The following CREB5 variants were observed in gnomAD, a reference collection of about 807,000 sequenced individuals.
CREB5 encodes the protein cAMP responsive element binding protein 5.
In CREB5, 19 loss-of-function variants were observed where a neutral mutation model predicts 57.1. That is an observed-to-expected ratio of 0.33 (90% CI 0.23 to 0.49). The LOEUF (loss-of-function observed/expected upper bound fraction) is 0.49. Ranked by LOEUF, CREB5 falls within the 20% of genes least tolerant of loss-of-function variation. The pLI is 0.99. For synonymous variants in CREB5, 238 were observed against 238.3 expected, an observed-to-expected ratio of 1.00 and a Z score of 0.01; for missense variants, 579 against 671.6, an observed-to-expected ratio of 0.86 and a Z score of 1.52.
chr7:28,560,867 T>C lies in CREB5; in HGVS notation c.292-9498T>C, dbSNP rs1378283726. Among the ~76,000 whole-genome samples the C allele has an allele frequency of 2.7e-3, 60 of 22,068 alleles. 6 individuals are homozygous for C. The highest frequency in any genetic ancestry group is 8.0e-3 in the East Asian group (4 of 500). 14.5% of individuals were successfully genotyped at this position (22,068 alleles called of 152,430 possible). A position where few individuals can be genotyped will look rare whatever the true frequency, so the allele number is the denominator to read the frequency against. ...GTGCGCGTGTGTGTGTGCGTGTGCC[T>C]GCGTGCGCGTGCGTGCGTGCGTGTG... On this transcript the variant is annotated intron_variant, in intron 4 of 10. Coordinates refer to ENST00000357727, the MANE Select transcript of CREB5 (RefSeq NM_182898.4).
chr7:28,410,078 G>T, upstream of CREB5: 1 of 399,070 alleles, frequency 2.5e-6, no homozygotes, highest in South Asian at 1.9e-5. Flanking sequence ...GTGGGCGCGC[G>T]CGCAGGGGGC....
intron 1 of CREB5, among the ~76,000 whole-genome samples, chr7:28,358,058 C>A (rs1311556393): frequency 1.3e-5 from 2 of 152,150 alleles, no homozygotes; most frequent in East Asian, 1.9e-4. Flanking sequence ...CTTCACTAAG[C>A]ACCTACTGTA....
At chr7:28,699,097 C>G (rs1801717718) in intron 5 of CREB5, among the ~76,000 whole-genome samples, 1 of 151,922 alleles carries the variant, frequency 6.6e-6, no homozygotes, top group Non-Finnish European at 1.5e-5. Flanking sequence ...GTCTCATACT[C>G]TTGTTTCATT....
rs1196174372 is a variant in CREB5 at position 28,306,568 on chromosome 7, T to TGTTTG, written c.-25+7127_-25+7128insGTTTG. Among the ~76,000 whole-genome samples the TGTTTG allele has an allele frequency of 9.4e-4, 125 of 132,780 alleles. 2 individuals are homozygous for TGTTTG. Among genetic ancestry groups the TGTTTG allele is most frequent in the Middle Eastern group, 7.8e-3 (2 of 256 alleles). The allele number at this position is 132,780 out of a possible 152,430, so 87.1% of individuals were successfully genotyped here. A position where few individuals can be genotyped will look rare whatever the true frequency, so the allele number is the denominator to read the frequency against. Reference sequence around the variant, plus strand: ...TTTGTTTTTTTTGTTTTTTTTTTTTTTTTTTTTTTTGAGACGGAGTCTCGC... The same window carrying TGTTTG: ...TTTGTTTTTTTTGTTTTTTTTTTTTTGTTTGTTTTTTTTTTGAGACGGAGTCTCGC... On this transcript the variant is annotated intron_variant, in intron 1 of 9. Coordinates refer to the CREB5 transcript ENST00000396299.
intron 7 of CREB5, among the ~76,000 whole-genome samples, chr7:28,788,375 T>C (rs1158533838): frequency 1.3e-5 from 2 of 152,210 alleles, no homozygotes; most frequent in African/African-American, 4.8e-5. Context: ...CAGGGTTAAC[T>C]ACATAGATTT....
intron 1 of CREB5, among the ~76,000 whole-genome samples, chr7:28,416,284 C>A (rs1181580391): frequency 1.3e-5 from 2 of 152,136 alleles, no homozygotes; most frequent in Non-Finnish European, 2.9e-5. Flanking sequence ...ACATTTCAGC[C>A]AGTTTTATGC....
intron 1 of CREB5, among the ~76,000 whole-genome samples, chr7:28,305,441 C>T (rs1785165930): frequency 6.6e-6 from 1 of 152,178 alleles, no homozygotes. Context: ...GTCAGGGGAA[C>T]CCAGCTTTCC....
intron 7 of CREB5, among the ~76,000 whole-genome samples, chr7:28,781,811 G>A (rs11760475): frequency 6.6e-6 from 1 of 151,532 alleles, no homozygotes; most frequent in Non-Finnish European, 1.5e-5. Context: ...ATAGTACTTA[G>A]ACTGTGCTGG....
intron 1 of CREB5, among the ~76,000 whole-genome samples, chr7:28,416,726 C>G (rs1045747791): frequency 3.3e-5 from 5 of 152,188 alleles, no homozygotes; most frequent in African/African-American, 1.2e-4. Context: ...CGCTGGGGGC[C>G]TCCAGGGTCA....
intron 7 of CREB5, 187 bp downstream of exon 7, chr7:28,724,519 T>A (rs1332482605): frequency 3.5e-6 from 2 of 575,144 alleles, no homozygotes; most frequent in Non-Finnish European, 6.2e-6. Flanking sequence ...CAGATAATCA[T>A]GTAACAAGCA....
At chr7:28,591,380 T>C (rs986367665) in intron 5 of CREB5, among the ~76,000 whole-genome samples, 3 of 152,200 alleles carry the variant, frequency 2.0e-5, no homozygotes, top group African/African-American at 7.2e-5. Flanking sequence ...TTGATTTTTT[T>C]CCCCCTCTGT....
chr7:28,507,832 G>A lies in CREB5; in HGVS notation c.291+95G>A, dbSNP rs1792546679. 8 of 1,328,346 alleles carry A rather than the reference G, an allele frequency of 6.0e-6. No homozygotes were observed. The South Asian group carries it at 9.4e-5, about 16-fold the overall frequency. 82.3% of individuals were successfully genotyped at this position (1,328,346 alleles called of 1,614,324 possible). A position where few individuals can be genotyped will look rare whatever the true frequency, so the allele number is the denominator to read the frequency against. ...CTGCACTGCAGATTGTGTTGATGTGGCCTTGAAGTATTTTAGCCATTTGTG... is the reference window on the plus strand; with the variant it reads ...CTGCACTGCAGATTGTGTTGATGTGACCTTGAAGTATTTTAGCCATTTGTG... On this transcript the variant is annotated intron_variant, in intron 4 of 10. Transcript: ENST00000357727.
At chr7:28,447,547 G>C (rs1789546370) in intron 1 of CREB5, among the ~76,000 whole-genome samples, 1 of 152,168 alleles carries the variant, frequency 6.6e-6, no homozygotes, top group Admixed American at 6.5e-5. Context: ...CTGAGCTGGA[G>C]AGAAAGCAGT....
chr7:28,500,045 C>T (rs1291012068), intron 3 of CREB5, among the ~76,000 whole-genome samples: 1 of 152,240 alleles, frequency 6.6e-6, no homozygotes, highest in Non-Finnish European at 1.5e-5. Context: ...GTGATTCATT[C>T]ATTCAGCAAA....
At chr7:28,307,537 T>C (rs549217499) in intron 1 of CREB5, among the ~76,000 whole-genome samples, 158 of 152,298 alleles carry the variant, frequency 1.0e-3, no homozygotes, top group Non-Finnish European at 2.0e-3. Flanking sequence ...TCTTTATAAA[T>C]TACCCAGTCT....
intron 6 of CREB5, among the ~76,000 whole-genome samples, chr7:28,720,169 G>A (rs146608503): frequency 4.6e-5 from 7 of 152,282 alleles, no homozygotes; most frequent in Middle Eastern, 6.8e-3. Flanking sequence ...CCTCCCTGGC[G>A]TTGTGCTTTG....
intron 1 of CREB5, among the ~76,000 whole-genome samples, chr7:28,362,514 A>G (rs1391447169): frequency 3.3e-5 from 5 of 152,202 alleles, no homozygotes; most frequent in Non-Finnish European, 7.4e-5. Context: ...ACTCAAGTGC[A>G]TGAGAGATTT....
At chr7:28,634,994 G>A (rs1421028108) in intron 5 of CREB5, among the ~76,000 whole-genome samples, 1 of 152,172 alleles carries the variant, frequency 6.6e-6, no homozygotes, top group Admixed American at 6.5e-5. Context: ...AAGAAATTTG[G>A]AGGCAGGTAG....
At chr7:28,603,874 A>G (rs1797016584) in intron 5 of CREB5, among the ~76,000 whole-genome samples, 1 of 152,174 alleles carries the variant, frequency 6.6e-6, no homozygotes, top group Non-Finnish European at 1.5e-5. Context: ...ACCATTGCTG[A>G]TGTGAGGAGA....
Sources: gnomAD v4.1 joint callset for allele counts (sites outside exome capture counted in the v4.1 genomes callset) on GRCh38, gnomAD v4.1.1 for gene constraint, MANE v1.5 for transcripts, NCBI Gene and HGNC (gene_info 2026-07-23, HGNC 2026-07-21) for gene names.